The following MPP7 variants were observed in gnomAD, a reference collection of about 807,000 sequenced individuals.
MPP7 encodes MAGUK p55 scaffold protein 7.
In MPP7, 60 loss-of-function variants were observed where a neutral mutation model predicts 76.5. The ratio of observed to expected loss-of-function variants is 0.78; its 90% confidence interval spans 0.64 to 0.97. The LOEUF (loss-of-function observed/expected upper bound fraction) is 0.97. MPP7 is among the 50% of genes least tolerant of loss of function. MPP7 has a pLI of 0.00. For missense variants in MPP7, 641 were observed against 694.0 expected, an observed-to-expected ratio of 0.92 and a Z score of 0.86; for synonymous variants, 237 against 244.5, an observed-to-expected ratio of 0.97 and a Z score of 0.29.
chr10:28,085,335 A>T (rs1852953009), intron 12 of MPP7, among the ~76,000 whole-genome samples: 1 of 152,178 alleles, frequency 6.6e-6, no homozygotes, highest in Non-Finnish European at 1.5e-5. Context: ...CATGATGAGG[A>T]CTGAAGGAAT....
At chr10:28,252,267 G>A (rs1839638561) in intron 1 of MPP7, among the ~76,000 whole-genome samples, 1 of 152,192 alleles carries the variant, frequency 6.6e-6, no homozygotes. Flanking sequence ...GAATCTATGA[G>A]TCTAGATTGT....
At chr10:28,238,075 TC>T (rs1839137463) in intron 2 of MPP7, among the ~76,000 whole-genome samples, 1 of 152,090 alleles carries the variant, frequency 6.6e-6, no homozygotes, top group Admixed American at 6.5e-5. Context: ...TTTAATTGAA[TC>T]CCTTAATGGT....
At chr10:28,059,867 C>T (rs1163898210) in intron 13 of MPP7, 124 bp from the exon 14 acceptor site, 2 of 661,268 alleles carry the variant, frequency 3.0e-6, no homozygotes, top group Non-Finnish European at 5.3e-6. Flanking sequence ...ATTTAAAAAG[C>T]AAATTAGCTA....
intron 11 of MPP7, among the ~76,000 whole-genome samples, chr10:28,115,795 TG>T (rs1260933084): frequency 6.6e-6 from 1 of 152,250 alleles, no homozygotes. Flanking sequence ...CTTGCTTAAA[TG>T]GATACCCTTT....
chr10:28,194,651 A>C (rs979017127), intron 3 of MPP7, among the ~76,000 whole-genome samples: 5 of 152,228 alleles, frequency 3.3e-5, no homozygotes, highest in African/African-American at 1.2e-4. Context: ...TATTATTCCA[A>C]CAATATGACC....
intron 11 of MPP7, among the ~76,000 whole-genome samples, chr10:28,099,004 C>A (rs1345488389): frequency 6.6e-6 from 1 of 152,114 alleles, no homozygotes; most frequent in Non-Finnish European, 1.5e-5. Context: ...TTATTATATT[C>A]TTTGGCTCTC....
At chr10:28,068,886 A>G (rs1464123823) in intron 13 of MPP7, among the ~76,000 whole-genome samples, 1 of 152,240 alleles carries the variant, frequency 6.6e-6, no homozygotes, top group African/African-American at 2.4e-5. Flanking sequence ...ATTCATCATA[A>G]AAACCTAAGA....
chr10:28,200,392 AC>A (rs1837731041), intron 3 of MPP7, among the ~76,000 whole-genome samples: 1 of 152,240 alleles, frequency 6.6e-6, no homozygotes. Context: ...TTAGAATAGT[AC>A]ATGTGTTATT....
At chr10:28,178,102 C>T in intron 3 of MPP7, among the ~76,000 whole-genome samples, 1 of 152,094 alleles carries the variant, frequency 6.6e-6, no homozygotes, top group East Asian at 1.9e-4. Flanking sequence ...GCACTACTGA[C>T]ATTTTAGGCT....
intron 3 of MPP7, among the ~76,000 whole-genome samples, chr10:28,160,510 A>G (rs1836223967): frequency 6.6e-6 from 1 of 152,184 alleles, no homozygotes; most frequent in Admixed American, 6.5e-5. Flanking sequence ...TGAAAAAAGC[A>G]AACAACATCA....
Position 28,131,694 on chromosome 10 carries a change from G to A in MPP7, c.316-3C>T, listed in dbSNP as rs777580638. 1 of 1,549,718 alleles carries A rather than the reference G, an allele frequency of 6.5e-7. No homozygotes were observed. Among genetic ancestry groups the A allele is most frequent in the East Asian group, 2.4e-5 (1 of 41,542 alleles). On this transcript the variant is annotated splice_polypyrimidine_tract_variant and splice_region_variant and intron_variant, in intron 5 of 16. Transcript: ENST00000683449. ...GTATCATGTACAGAGAGCAAAGCCT[G>A]TAATATTCAAAGGTTGATTTAAATA... is the stretch of plus-strand genomic sequence containing the variant.
intron 3 of MPP7, among the ~76,000 whole-genome samples, chr10:28,189,595 AAAAAC>A (rs1837346314): frequency 2.3e-5 from 3 of 132,346 alleles, no homozygotes; most frequent in East Asian, 2.3e-4. Flanking sequence ...AAAAAAAAAA[AAAAAC>A]CTGTATTTGT....
chr10:28,100,285 A>C (rs1442327951), intron 11 of MPP7, among the ~76,000 whole-genome samples: 1 of 152,178 alleles, frequency 6.6e-6, no homozygotes, highest in East Asian at 1.9e-4. Context: ...CCAACATAGT[A>C]ACATGATCTT....
At chr10:28,081,706 G>A (rs570751217) in intron 12 of MPP7, among the ~76,000 whole-genome samples, 5 of 151,356 alleles carry the variant, frequency 3.3e-5, no homozygotes, top group South Asian at 2.1e-4. Flanking sequence ...TTTATGAAAC[G>A]GTTTCAAAGC....
intron 3 of MPP7, among the ~76,000 whole-genome samples, chr10:28,196,221 C>A (rs1449961668): frequency 6.6e-6 from 1 of 152,198 alleles, no homozygotes; most frequent in Non-Finnish European, 1.5e-5. Flanking sequence ...TGGCTCATGC[C>A]TGTAATCCCA....
intron 1 of MPP7, chr10:28,280,197 G>A (rs1319981595): frequency 6.6e-6 from 1 of 152,026 alleles, no homozygotes; most frequent in Non-Finnish European, 1.5e-5. Context: ...ATTTGTTTTA[G>A]GAACAATACG....
intron 3 of MPP7, among the ~76,000 whole-genome samples, chr10:28,178,482 T>C (rs900123032): frequency 1.3e-5 from 2 of 149,972 alleles, no homozygotes; most frequent in East Asian, 2.0e-4. Context: ...TAAAGAAAAA[T>C]TGTGAACAAA....
rs553357841 is a variant in MPP7 at position 28,158,072 on chromosome 10, T to C, written c.157-8013A>G. ...AACGTTATTATTAGTTAGTGATAAG[T>C]GGACATATAAATCCTCTAATCCTGC... On this transcript the variant is annotated intron_variant, in intron 3 of 16. Coordinates refer to ENST00000683449, the MANE Select transcript of MPP7 (RefSeq NM_001318170.2). Among the ~76,000 whole-genome samples, 19 of 152,328 alleles carry C rather than the reference T, an allele frequency of 1.2e-4. No homozygotes were observed. In the South Asian group the frequency reaches 3.5e-3, roughly 28 times the overall value.
intron 11 of MPP7, among the ~76,000 whole-genome samples, chr10:28,105,793 C>T (rs886370664): frequency 2.6e-5 from 4 of 152,158 alleles, no homozygotes; most frequent in African/African-American, 9.7e-5. Context: ...GGATTACAGG[C>T]ATGAGTCACC....
Sources: allele counts gnomAD v4.1 joint callset (sites outside exome capture counted in the v4.1 genomes callset), GRCh38; gene constraint gnomAD v4.1.1; transcripts MANE v1.5; gene names NCBI Gene and HGNC (gene_info 2026-07-23, HGNC 2026-07-21).